NELL1: variants seen among roughly 807,000 people sequenced by gnomAD.
NELL1 encodes the protein neural EGFL like 1.
In NELL1, 76 loss-of-function variants were observed where a neutral mutation model predicts 107.4. That is an observed-to-expected ratio of 0.71 (90% confidence interval 0.59 to 0.86). The LOEUF (loss-of-function observed/expected upper bound fraction) is 0.86, where lower values mean the gene tolerates loss of function less well. Among genes scored for constraint, NELL1 ranks in the 40% least tolerant of loss-of-function variants. NELL1 has a pLI of 0.00. For missense variants in NELL1, 1,024 were observed against 1,005.5 expected (o/e 1.02, Z -0.25); for synonymous variants, 353 against 341.2 (o/e 1.03, Z -0.38).
In NELL1 at chr11:20,943,943, C is replaced by T. The variant is rs532317197; in HGVS notation, c.1072-3393C>T. ...GATAAAGGTAGCATTTATAAAAGGC[C>T]ATGGAAGAGCTTTGGGACATAGTTA... is the stretch of plus-strand genomic sequence containing the variant. On this transcript the variant is annotated intron_variant, in intron 10 of 19. Transcript: ENST00000357134. Among the ~76,000 whole-genome samples, 60 of 152,172 alleles carry T rather than the reference C, an allele frequency of 3.9e-4. 1 individual carries two copies. The highest frequency in any genetic ancestry group is 6.9e-4 in the Non-Finnish European group (47 of 67,996).
chr11:21,090,662 C>T (rs1016429328), intron 12 of NELL1, among the ~76,000 whole-genome samples: 7 of 152,106 alleles, frequency 4.6e-5, no homozygotes, highest in Non-Finnish European at 8.8e-5. Context: ...CCTCGACCTG[C>T]TTACTTTTCA....
intron 14 of NELL1, among the ~76,000 whole-genome samples, chr11:21,264,656 C>T (rs1044102393): frequency 2.0e-5 from 3 of 151,744 alleles, no homozygotes; most frequent in Non-Finnish European, 4.4e-5. Context: ...TGGAGTGTAC[C>T]TTATAGCAGA....
chr11:21,314,124 A>C (rs115077583), intron 14 of NELL1, among the ~76,000 whole-genome samples: 3,624 of 151,056 alleles, frequency 0.024, 148 homozygotes, highest in African/African-American at 0.084. Context: ...TGTGCTTCCT[A>C]TACAGCCTGC....
At chr11:21,318,278 G>T (rs945439241) in intron 14 of NELL1, among the ~76,000 whole-genome samples, 3 of 152,134 alleles carry the variant, frequency 2.0e-5, no homozygotes, top group African/African-American at 7.2e-5. Flanking sequence ...AGGACAGTAT[G>T]TAATTCATGT....
At chr11:21,182,997 G>A (rs1452528995) in intron 13 of NELL1, among the ~76,000 whole-genome samples, 1 of 151,840 alleles carries the variant, frequency 6.6e-6, no homozygotes, top group Non-Finnish European at 1.5e-5. Flanking sequence ...AAGCTTTGCA[G>A]TTCTCCTCTT....
chr11:21,113,569 A>G lies in NELL1; in HGVS notation c.1301-20A>G. On this transcript the variant is annotated intron_variant, in intron 12 of 19. Transcript: ENST00000357134. ...CCATTATTTTGCTAACCATGATCTT[A>G]CTTATTTTTTTTCCTTCAGATATTG... 6.2e-7 allele frequency: 1 copy of G among 1,605,376 alleles called. No homozygotes were observed. The highest frequency in any genetic ancestry group is 1.1e-5 in the South Asian group (1 of 89,694).
intron 12 of NELL1, among the ~76,000 whole-genome samples, chr11:21,030,350 T>G (rs1013796007): frequency 6.6e-6 from 1 of 152,184 alleles, no homozygotes; most frequent in African/African-American, 2.4e-5. Flanking sequence ...CATTTGACCT[T>G]TTAGTCGTAC....
At chr11:21,441,681 G>A (rs1438503771) in intron 15 of NELL1, among the ~76,000 whole-genome samples, 2 of 152,148 alleles carry the variant, frequency 1.3e-5, no homozygotes, top group South Asian at 2.1e-4. Context: ...TATGTTGAGA[G>A]TTTGACACTT....
At chr11:21,078,076 A>AT (rs1854183509) in intron 12 of NELL1, among the ~76,000 whole-genome samples, 1 of 152,206 alleles carries the variant, frequency 6.6e-6, no homozygotes, top group Non-Finnish European at 1.5e-5. Flanking sequence ...TTCAAAGATA[A>AT]TTTTTTTCAA....
intron 13 of NELL1, among the ~76,000 whole-genome samples, chr11:21,115,833 CATT>C (rs1305884548): frequency 6.6e-6 from 1 of 152,000 alleles, no homozygotes; most frequent in African/African-American, 2.4e-5. Context: ...ACACACACAT[CATT>C]ATCATCACTG....
Position 20,705,405 on chromosome 11 carries a change from G to A in NELL1, c.184+27345G>A, listed in dbSNP as rs1054956465. On this transcript the variant is annotated intron_variant, in intron 2 of 19. Transcript: ENST00000357134. ...TCTTTGACAAACCTGACAAAAACAA[G>A]CGATGGGGAAAGGATTCCCTATTTA... Among the ~76,000 whole-genome samples the A allele has an allele frequency of 2.6e-4, 40 of 152,152 alleles. No homozygotes were observed. The South Asian group carries it at 2.7e-3, about 10-fold the overall frequency.
rs182283847 is a variant in NELL1 at position 21,100,446 on chromosome 11, G to T, written c.1301-13143G>T. On this transcript the variant is annotated intron_variant, in intron 12 of 19. Transcript: ENST00000357134. The stretch of plus-strand genomic sequence containing the variant: ...AGAAACTCTGTGCTCATTAAGCATC[G>T]ACTGTCCAATCTTTTCTCCCTTCAG... Among the ~76,000 whole-genome samples the T allele has an allele frequency of 3.1e-4, 47 of 152,238 alleles. 1 individual carries two copies. The highest frequency in any genetic ancestry group is 1.1e-3 in the African/African-American group (46 of 41,516).
intron 3 of NELL1, among the ~76,000 whole-genome samples, chr11:20,829,575 GT>G (rs1016327685): frequency 5.3e-5 from 8 of 150,784 alleles, no homozygotes; most frequent in Middle Eastern, 3.4e-3. Flanking sequence ...ATTTTGCCAG[GT>G]TTTTTTTTAA....
intron 12 of NELL1, among the ~76,000 whole-genome samples, chr11:20,991,480 G>T (rs1851969797): frequency 6.6e-6 from 1 of 152,270 alleles, no homozygotes; most frequent in Middle Eastern, 3.4e-3. Flanking sequence ...GTAAATGGAG[G>T]CCCTGCCATA....
intron 4 of NELL1, among the ~76,000 whole-genome samples, chr11:20,861,592 C>G (rs1001953413): frequency 1.3e-5 from 2 of 152,152 alleles, no homozygotes; most frequent in Non-Finnish European, 1.5e-5. Flanking sequence ...GGTGAGACCA[C>G]GGCAATTATC....
chr11:21,102,622 T>A (rs1222175837), intron 12 of NELL1, among the ~76,000 whole-genome samples: 1 of 152,194 alleles, frequency 6.6e-6, no homozygotes, highest in African/African-American at 2.4e-5. Flanking sequence ...TGCAAAATGT[T>A]ATACAAATGT....
At chr11:20,773,592 G>T (rs899378213) in intron 2 of NELL1, 8 of 151,704 alleles carry the variant, frequency 5.3e-5, no homozygotes, top group Admixed American at 3.3e-4. Context: ...CCTCCTCCCA[G>T]GTTCAAGTGA....
intron 13 of NELL1, among the ~76,000 whole-genome samples, chr11:21,141,307 A>G (rs1374466314): frequency 1.3e-5 from 2 of 152,206 alleles, no homozygotes; most frequent in Non-Finnish European, 2.9e-5. Context: ...TCAGGACACA[A>G]TCTGAAGCAA....
chr11:21,567,706 T>A (rs191907808), intron 17 of NELL1, among the ~76,000 whole-genome samples: 113 of 151,980 alleles, frequency 7.4e-4, no homozygotes, highest in Middle Eastern at 6.8e-3. Flanking sequence ...TATTCAGCGT[T>A]GTTGTGGATA....
Sources: gnomAD v4.1 joint callset for allele counts (sites outside exome capture counted in the v4.1 genomes callset) on GRCh38, gnomAD v4.1.1 for gene constraint, MANE v1.5 for transcripts, NCBI Gene and HGNC (gene_info 2026-07-23, HGNC 2026-07-21) for gene names.